TACC3: variants seen among roughly 807,000 people sequenced by gnomAD.
TACC3 encodes the protein transforming acidic coiled-coil containing protein 3.
Under a neutral mutation model 86.0 loss-of-function variants are expected in TACC3, and 52 were observed. The observed-to-expected ratio is 0.60, with a 90% CI of 0.48 to 0.76. TACC3 has a LOEUF of 0.76. Ranked by LOEUF, TACC3 falls within the 30% of genes least tolerant of loss-of-function variation. TACC3 has a pLI of 0.00. For synonymous variants in TACC3, 512 were observed against 430.0 expected (o/e 1.19, Z -2.36); for missense variants, 1,120 against 1,070.4 (o/e 1.05, Z -0.65).
intron 13 of TACC3, chr4:1,741,822 A>C (rs1349089047): frequency 2.0e-5 from 3 of 152,246 alleles, no homozygotes; most frequent in African/African-American, 7.2e-5. Context: ...AGCAAGCCTG[A>C]ATACTCTAGG....
At position 1,735,937 on chromosome 4, in the gene TACC3, A is replaced by T; in HGVS notation, c.1748+103A>T. The stretch of plus-strand genomic sequence containing the variant: ...GCACAGAGGCTTCTAGACCGGGGGG[A>T]GATGATCAGAACTGGAAAGGAGCTG... On this transcript the variant is annotated intron_variant, in intron 8 of 15. Transcript: ENST00000313288. This position sits in a 1 kb window ranked among gnomAD's most constrained non-coding sequence, Gnocchi z 4.2. 1.2e-6 allele frequency: 1 copy of T among 826,274 alleles called. No homozygotes were observed. The allele number at this position is 826,274 out of a possible 1,614,324, so 51.2% of individuals were successfully genotyped here. A position where few individuals can be genotyped will look rare whatever the true frequency, so the allele number is the denominator to read the frequency against.
chr4:1,731,566 C>T (rs948649614), intron 6 of TACC3, among the ~76,000 whole-genome samples: 1 of 152,120 alleles, frequency 6.6e-6, no homozygotes, highest in African/African-American at 2.4e-5. Context: ...GTGAACAATG[C>T]AGTGCGCTAA....
At chr4:1,744,470 C>A in intron 13 of TACC3, 48 bp from the exon 14 acceptor site, 1 of 1,566,316 alleles carries the variant, frequency 6.4e-7, no homozygotes, top group South Asian at 1.1e-5. Flanking sequence ...CCTGGGTGCT[C>A]TCCAGCAGAC....
intron 8 of TACC3, among the ~76,000 whole-genome samples, chr4:1,736,422 C>CAAAAAAAAAAAA (rs1164866581): frequency 4.6e-5 from 3 of 65,826 alleles, no homozygotes; most frequent in Non-Finnish European, 7.6e-5. Flanking sequence ...GACTCCATCT[C>CAAAAAAAAAAAA]AAAAAAAAAA....
In TACC3 at chr4:1,735,372, G is replaced by A. The variant is rs1270294936; in HGVS notation, c.1644+47G>A. On this transcript the variant is annotated intron_variant, in intron 7 of 15. Coordinates refer to ENST00000313288, the MANE Select transcript of TACC3 (RefSeq NM_006342.3). The surrounding 1 kb of genome is among the most constrained non-coding windows in gnomAD (Gnocchi z 4.2). ...GAAGCCTCACCCACAGGGTGTCCGA[G>A]AGCAGCCACGGCAGGTCTTGCCCCC... is the stretch of plus-strand genomic sequence containing the variant. The A allele has an allele frequency of 1.2e-6, 2 of 1,611,068 alleles. No individual in the cohort carries two copies. The highest frequency in any genetic ancestry group is 1.3e-5 in the African/African-American group (1 of 75,002).
chr4:1,724,363 A>T (rs1717580345), intron 3 of TACC3, among the ~76,000 whole-genome samples: 1 of 146,824 alleles, frequency 6.8e-6, no homozygotes, highest in African/African-American at 2.5e-5. Context: ...AGATACTTGG[A>T]TAACTTCATA....
At chr4:1,739,308 CAAAAAAA>C (rs33985489) in intron 10 of TACC3, 1 of 161,822 alleles carries the variant, frequency 6.2e-6, no homozygotes, top group African/African-American at 2.5e-5. Context: ...ACTCTTGTCT[CAAAAAAA>C]AAAAAAGAGA....
rs757539140 is a variant in TACC3 at position 1,735,354 on chromosome 4, C to T, written c.1644+29C>T. 2.5e-6 allele frequency: 4 copies of T among 1,613,682 alleles called. No individual in the cohort carries two copies. Among genetic ancestry groups the T allele is most frequent in the Middle Eastern group, 1.7e-4 (1 of 6,060 alleles). The stretch of plus-strand genomic sequence containing the variant: ...GGTACCAGGCAATTCCGCGAAGCCT[C>T]ACCCACAGGGTGTCCGAGAGCAGCC... On this transcript the variant is annotated intron_variant, in intron 7 of 15. Transcript: ENST00000313288. This position sits in a 1 kb window ranked among gnomAD's most constrained non-coding sequence, Gnocchi z 4.2.
intron 3 of TACC3, among the ~76,000 whole-genome samples, chr4:1,726,484 C>T (rs572830276): frequency 6.6e-6 from 1 of 152,210 alleles, no homozygotes; most frequent in Non-Finnish European, 1.5e-5. Flanking sequence ...GGCATGTCCT[C>T]GGGTGAGGTT....
intron 6 of TACC3, 83 bp downstream of exon 6, chr4:1,731,384 C>A: frequency 6.7e-7 from 1 of 1,496,004 alleles, no homozygotes; most frequent in Non-Finnish European, 9.2e-7. Flanking sequence ...ACACCTGCAT[C>A]ATCGGCAGGT....
chr4:1,724,403 T>C (rs899989198), intron 3 of TACC3, among the ~76,000 whole-genome samples: 141 of 145,384 alleles, frequency 9.7e-4, no homozygotes, highest in African/African-American at 3.5e-3. Flanking sequence ...TTTTTTTTTT[T>C]TTCTGGAGAC....
chr4:1,739,571 C>T (rs1310248096), intron 10 of TACC3, 131 bp from the exon 11 acceptor site: 3 of 815,680 alleles, frequency 3.7e-6, no homozygotes, highest in Non-Finnish European at 5.8e-6. Flanking sequence ...CCACTGGAAG[C>T]CCCACATGGA....
At position 1,730,873 on chromosome 4, in the gene TACC3, C is replaced by T; in HGVS notation, c.1386-14C>T. 6.2e-7 allele frequency: 1 copy of T among 1,612,668 alleles called. No homozygotes were observed. Among genetic ancestry groups the T allele is most frequent in the East Asian group, 2.2e-5 (1 of 44,892 alleles). On this transcript the variant is annotated splice_polypyrimidine_tract_variant and intron_variant, in intron 4 of 15. Transcript: ENST00000313288. Reference sequence around the variant, plus strand: ...GGTGGGGGGCATGGGCCTCTGCTGACTCTGTCTCCCCAGGCAGCTGCATTC... The same window carrying T: ...GGTGGGGGGCATGGGCCTCTGCTGATTCTGTCTCCCCAGGCAGCTGCATTC...
rs754513840 is a variant in TACC3, at chr4:1,737,625, G to A, written c.1864G>A (p.Ala622Thr). The change falls in exon 10 of 16, where the codon GCG (alanine) becomes ACG (threonine). Residue 622 changes from alanine to threonine, a missense_variant. Transcript: ENST00000313288. ...PVPGPPPGVP[A>T]PGGPPLSTGP... ...GCCAGGCCCACCCCCAGGTGTTCCC[G>A]CGCCTGGGGGCCCACCCCTGTCCAC... is the stretch of plus-strand genomic sequence containing the variant. The A allele has an allele frequency of 6.4e-5, 98 of 1,528,506 alleles. No individual in the cohort carries two copies. The highest frequency in any genetic ancestry group is 2.5e-4 in the African/African-American group (18 of 72,512). The allele number at this position is 1,528,506 out of a possible 1,614,324, so 94.7% of individuals were successfully genotyped here.
At position 1,723,833 on chromosome 4, in the gene TACC3, C is replaced by G; in HGVS notation, c.268C>G (p.Leu90Val). 1.2e-6 allele frequency: 2 copies of G among 1,613,580 alleles called. No individual in the cohort carries two copies. Among genetic ancestry groups the G allele is most frequent in the Non-Finnish European group, 1.7e-6 (2 of 1,179,990 alleles). ...TTTCACTCAGGATGACACCCTTGGA[C>G]TGGAAAACTCACACCCGGTCTGGAC... ...APFTQDDTLG[L>V]ENSHPVWTQK... The change falls in exon 3 of 16, where the codon CTG (leucine) becomes GTG (valine). Residue 90 changes from leucine to valine, a missense_variant. Coordinates refer to ENST00000313288, the MANE Select transcript of TACC3 (RefSeq NM_006342.3).
chr4:1,740,629 G>C (rs1718545099), intron 12 of TACC3, 197 bp from the exon 13 acceptor site: 1 of 555,042 alleles, frequency 1.8e-6, no homozygotes, highest in South Asian at 2.2e-5. Context: ...CTGATGTGGA[G>C]GAAACAGCTG....
chr4:1,723,797 C>G lies in TACC3; in HGVS notation c.232C>G (p.Leu78Val), dbSNP rs1577205297. 1 of 1,613,678 alleles carries G rather than the reference C, an allele frequency of 6.2e-7. No individual in the cohort carries two copies. The highest frequency in any genetic ancestry group is 8.5e-7 in the Non-Finnish European group (1 of 1,180,020). Reference sequence around the variant, plus strand: ...TCTAAGTCCTAGCATGGCCAGCAAACTTGAGGCTCCTTTCACTCAGGATGA... The same window carrying G: ...TCTAAGTCCTAGCATGGCCAGCAAAGTTGAGGCTCCTTTCACTCAGGATGA... ...RILSPSMASK[L>V]EAPFTQDDTL... The change falls in exon 3 of 16, where the codon CTT becomes GTT. Residue 78 changes from leucine to valine, a missense_variant. Leu to Val is a conservative substitution (Grantham distance 32). Transcript: ENST00000313288.
rs561659433 is a variant in TACC3 at position 1,739,777 on chromosome 4, G to A, written c.2017G>A (p.Gly673Arg). 1 of 1,583,748 alleles carries A rather than the reference G, an allele frequency of 6.3e-7. No homozygotes were observed. Among genetic ancestry groups the A allele is most frequent in the East Asian group, 2.3e-5 (1 of 43,002 alleles). ...EELHGKNLEL[G>R]KIMDRFEEVV... is the part of the protein sequence containing the mutation. ...GCTCCACGGGAAGAACCTGGAACTGGGGTAAGGAGGCCCCGTCTCCTGTCC... is the reference window on the plus strand; with the variant it reads ...GCTCCACGGGAAGAACCTGGAACTGAGGTAAGGAGGCCCCGTCTCCTGTCC... Residue 673 changes from glycine to arginine, a missense_variant and splice_region_variant, in exon 11 of 16, where the codon GGG (glycine) becomes AGG (arginine). Coordinates refer to ENST00000313288, the MANE Select transcript of TACC3 (RefSeq NM_006342.3).
chr4:1,734,481 C>T (rs1055665905), intron 6 of TACC3, among the ~76,000 whole-genome samples: 3 of 152,212 alleles, frequency 2.0e-5, no homozygotes, highest in Non-Finnish European at 4.4e-5. Context: ...AGCTACTGCG[C>T]CCAGCCACAG....
Sources: allele counts gnomAD v4.1 joint callset (sites outside exome capture counted in the v4.1 genomes callset), GRCh38; gene constraint gnomAD v4.1.1; non-coding constraint Gnocchi (gnomAD v3.1); transcripts MANE v1.5; gene names NCBI Gene and HGNC (gene_info 2026-07-23, HGNC 2026-07-21).